The following CHST11 variants were observed in gnomAD, a reference collection of about 807,000 sequenced individuals.
CHST11 encodes the protein carbohydrate sulfotransferase 11.
A neutral mutation model predicts 30.4 loss-of-function variants in CHST11; 9 were observed. The observed-to-expected ratio is 0.30, with a 90% CI of 0.18 to 0.52. The LOEUF is 0.52. Among genes scored for constraint, CHST11 ranks in the 20% least tolerant of loss-of-function variants. The pLI is 0.97. For missense variants in CHST11, 348 were observed against 460.6 expected (o/e 0.76, Z 2.24); for synonymous variants, 152 against 187.8 (o/e 0.81, Z 1.56).
chr12:104,589,123 G>T (rs945090784), intron 1 of CHST11, among the ~76,000 whole-genome samples: 1 of 149,756 alleles, frequency 6.7e-6, no homozygotes, highest in Non-Finnish European at 1.5e-5. Flanking sequence ...AATTCAGCTG[G>T]GTTTGGTGGC....
intron 2 of CHST11, among the ~76,000 whole-genome samples, chr12:104,698,809 A>C (rs1459493389): frequency 1.3e-5 from 2 of 152,232 alleles, no homozygotes; most frequent in African/African-American, 4.8e-5. Context: ...TTTATTATTA[A>C]TCAGGAAGTC....
At chr12:104,516,614 A>G (rs1475082110) in intron 1 of CHST11, among the ~76,000 whole-genome samples, 1 of 152,026 alleles carries the variant, frequency 6.6e-6, no homozygotes, top group Non-Finnish European at 1.5e-5. Context: ...AGACATACAG[A>G]TAAAAGAGTG....
At position 104,484,648 on chromosome 12, in the gene CHST11, G is replaced by A. The variant is rs2037659177; in HGVS notation, c.118+27119G>A. Among the ~76,000 whole-genome samples, 2 of 152,202 alleles carry A rather than the reference G, an allele frequency of 1.3e-5. 1 individual carries two copies. The highest frequency in any genetic ancestry group is 4.1e-4 in the South Asian group (2 of 4,830). On this transcript the variant is annotated intron_variant, in intron 1 of 2. Coordinates refer to ENST00000303694, the MANE Select transcript of CHST11 (RefSeq NM_018413.6). ...CCCAGGGACATTGTAAGTGGTCAGT[G>A]ATACATATGTATGATTGTTATCACC...
chr12:104,494,453 T>C (rs2037779900), intron 1 of CHST11, among the ~76,000 whole-genome samples: 1 of 152,240 alleles, frequency 6.6e-6, no homozygotes, highest in Admixed American at 6.5e-5. Flanking sequence ...CTTCTGAGGA[T>C]GTGACAAGTG....
At chr12:104,467,617 C>T (rs2037471733) in intron 1 of CHST11, among the ~76,000 whole-genome samples, 1 of 152,154 alleles carries the variant, frequency 6.6e-6, no homozygotes, top group Admixed American at 6.5e-5. Flanking sequence ...GACAAAGAAA[C>T]CTGGTAATGG....
chr12:104,584,382 C>T (rs2038781602), intron 1 of CHST11, among the ~76,000 whole-genome samples: 1 of 151,754 alleles, frequency 6.6e-6, no homozygotes, highest in Admixed American at 6.6e-5. Flanking sequence ...TCAGCCTCCC[C>T]AGTAGCTGGG....
intron 2 of CHST11, among the ~76,000 whole-genome samples, chr12:104,694,001 C>G (rs749759087): frequency 6.6e-6 from 1 of 152,148 alleles, no homozygotes; most frequent in Non-Finnish European, 1.5e-5. Context: ...TTACTTAAAA[C>G]AAAACCATGT....
intron 2 of CHST11, among the ~76,000 whole-genome samples, chr12:104,694,048 T>C (rs1230366697): frequency 2.0e-5 from 3 of 152,192 alleles, no homozygotes; most frequent in Non-Finnish European, 4.4e-5. Context: ...CAGGACCATA[T>C]TAAAACAGGC....
chr12:104,701,646 G>C (rs1036272669), intron 2 of CHST11, among the ~76,000 whole-genome samples: 5 of 152,204 alleles, frequency 3.3e-5, no homozygotes, highest in African/African-American at 9.7e-5. Context: ...GAGACTTTAG[G>C]ATGCTCTATG....
At chr12:104,695,792 G>A (rs1028104905) in intron 2 of CHST11, among the ~76,000 whole-genome samples, 1 of 152,152 alleles carries the variant, frequency 6.6e-6, no homozygotes, top group African/African-American at 2.4e-5. Flanking sequence ...CTTTCTTGTG[G>A]GTAGCTGGCA....
chr12:104,665,287 G>A (rs555862821), intron 2 of CHST11, among the ~76,000 whole-genome samples: 37 of 152,214 alleles, frequency 2.4e-4, no homozygotes, highest in Non-Finnish European at 4.7e-4. Context: ...CATACTAATA[G>A]CACTCATCTC....
In CHST11 at chr12:104,475,658, TTATATA is replaced by T. The variant is rs67453124; in HGVS notation, c.118+18157_118+18162del. 6.6e-3 allele frequency among the ~76,000 whole-genome samples: 224 copies of T among 34,160 alleles called. 6 individuals are homozygous for T. Among genetic ancestry groups the T allele is most frequent in the Admixed American group, 0.017 (35 of 2,098 alleles). The allele number at this position is 34,160 out of a possible 152,430, so 22.4% of individuals were successfully genotyped here. On this transcript the variant is annotated intron_variant, in intron 1 of 2. Transcript: ENST00000303694. ...TATGATGCCTCAGAGTAAAGCAGCA[TTATATA>T]TATATATATATATATATATATATAT...
chr12:104,604,284 T>C (rs1038237085), intron 2 of CHST11, among the ~76,000 whole-genome samples: 3 of 152,086 alleles, frequency 2.0e-5, no homozygotes, highest in East Asian at 1.9e-4. Context: ...CTGGGAGGCA[T>C]TGGGGAGGGC....
At position 104,587,519 on chromosome 12, in the gene CHST11, TC is replaced by T. The variant is rs1307929667; in HGVS notation, c.119-14383del. On this transcript the variant is annotated intron_variant, in intron 1 of 2. Transcript: ENST00000303694. ...CTCAAGCTGTCCTCCCACTTCAGCC[TC>T]CCCAGTGGCTGGGACTACAGGCGTG... 2.8e-4 allele frequency among the ~76,000 whole-genome samples: 43 copies of T among 152,282 alleles called. No individual in the cohort carries two copies. The East Asian group carries it at 7.7e-3, about 27-fold the overall frequency.
At chr12:104,623,718 C>CAA (rs547796323) in intron 2 of CHST11, among the ~76,000 whole-genome samples, 2 of 138,514 alleles carry the variant, frequency 1.4e-5, no homozygotes. Flanking sequence ...GACTCCATCT[C>CAA]AAAAAAAAAA....
rs1180304183 is a variant in CHST11 at position 104,761,388 on chromosome 12, G to A, written c.*3585G>A. 6.6e-6 allele frequency: 1 copy of A among 152,032 alleles called. No individual in the cohort carries two copies. Among genetic ancestry groups the A allele is most frequent in the African/African-American group, 2.4e-5 (1 of 41,240 alleles). 9.4% of individuals were successfully genotyped at this position (152,032 alleles called of 1,614,324 possible). A position where few individuals can be genotyped will look rare whatever the true frequency, so the allele number is the denominator to read the frequency against. On this transcript the variant is annotated 3_prime_UTR_variant, in exon 3 of 3. Transcript: ENST00000303694. ...GGTCCCACAAATGCTTGGCTGGTGG[G>A]GTCTGGATCAGTGCTGAGATAGAGT...
intron 2 of CHST11, among the ~76,000 whole-genome samples, chr12:104,656,806 T>A (rs1050195287): frequency 6.6e-6 from 1 of 152,136 alleles, no homozygotes; most frequent in African/African-American, 2.4e-5. Flanking sequence ...AAATCCTTAT[T>A]TTTTTTGTTG....
At chr12:104,624,586 AT>A (rs1274388866) in intron 2 of CHST11, among the ~76,000 whole-genome samples, 5 of 152,226 alleles carry the variant, frequency 3.3e-5, no homozygotes, top group Non-Finnish European at 5.9e-5. Context: ...GAAGATAATA[AT>A]CATACATACC....
intron 1 of CHST11, among the ~76,000 whole-genome samples, chr12:104,535,174 G>T (rs1204393781): frequency 6.6e-6 from 1 of 152,156 alleles, no homozygotes; most frequent in Non-Finnish European, 1.5e-5. Flanking sequence ...CCTGCCCTTT[G>T]GAGTCTGTGA....
Sources: gnomAD v4.1 joint callset for allele counts (sites outside exome capture counted in the v4.1 genomes callset) on GRCh38, gnomAD v4.1.1 for gene constraint, MANE v1.5 for transcripts, NCBI Gene and HGNC (gene_info 2026-07-23, HGNC 2026-07-21) for gene names.